Variants in ZIM3 observed in about 807,000 individuals in gnomAD.
The protein encoded by ZIM3 is zinc finger imprinted 3.
Under a neutral mutation model 12.9 loss-of-function variants are expected in ZIM3, and 11 were observed. The observed-to-expected ratio is 0.85, with a 90% CI of 0.54 to 1.41. ZIM3 has a LOEUF of 1.41. ZIM3 is among the 40% of genes most tolerant of loss of function. The pLI is 0.00. For missense variants in ZIM3, 604 were observed against 557.2 expected, an observed-to-expected ratio of 1.08 and a Z score of -0.85; for synonymous variants, 205 against 198.5, an observed-to-expected ratio of 1.03 and a Z score of -0.28.
chr19:57,134,774 T>C lies in ZIM3; in HGVS notation c.*144A>G. 1.3e-6 allele frequency: 1 copy of C among 754,846 alleles called. No individual in the cohort carries two copies. Among genetic ancestry groups the C allele is most frequent in the East Asian group, 2.6e-5 (1 of 37,960 alleles). The allele number at this position is 754,846 out of a possible 1,614,324, so 46.8% of individuals were successfully genotyped here. A position where few individuals can be genotyped will look rare whatever the true frequency, so the allele number is the denominator to read the frequency against. ...ACATTTGCTGAGTGAGTATGCCGAA[T>C]GGGTTTTCAAAGGATACTGTGATAA... On this transcript the variant is annotated 3_prime_UTR_variant, in exon 5 of 5. Coordinates refer to ENST00000269834, the MANE Select transcript of ZIM3 (RefSeq NM_052882.1).
rs2086897077 is a variant in ZIM3, at chr19:57,138,046, GGAAGGAAA to G, written c.142+418_142+425del. ...AAGAAGGAAGGAAAGAAGGAAGGAA[GGAAGGAAA>G]GAAGGAAGGAAGGAAGGAAGGAAAG... On this transcript the variant is annotated intron_variant, in intron 3 of 4. Coordinates refer to ENST00000269834, the MANE Select transcript of ZIM3 (RefSeq NM_052882.1). Among the ~76,000 whole-genome samples, 13 of 71,820 alleles carry G rather than the reference GGAAGGAAA, an allele frequency of 1.8e-4. 1 individual carries two copies. Among genetic ancestry groups the G allele is most frequent in the African/African-American group, 4.8e-4 (7 of 14,550 alleles). The allele number at this position is 71,820 out of a possible 152,430, so 47.1% of individuals were successfully genotyped here.
intron 3 of ZIM3, 124 bp downstream of exon 3, chr19:57,138,348 G>C: frequency 7.1e-7 from 1 of 1,406,156 alleles, no homozygotes; most frequent in Non-Finnish European, 1.0e-6. Flanking sequence ...CCTAGTCCCG[G>C]CTCTACAAAA....
At chr19:57,144,057 A>T (rs561715653) in intron 1 of ZIM3, among the ~76,000 whole-genome samples, 1 of 150,334 alleles carries the variant, frequency 6.7e-6, no homozygotes, top group East Asian at 2.0e-4. Flanking sequence ...TTTATTTTTT[A>T]TTTTATTTTA....
In ZIM3 at chr19:57,135,390, A is replaced by C; in HGVS notation, c.947T>G (p.Phe316Cys). ...TTTCACAAGATCTGACTTGTAAATG[A>C]AAGCCTTTCCACAGTCCGTACATTG... ...PFQCTDCGKA[F>C]IYKSDLVKHQ... Residue 316 changes from phenylalanine to cysteine, a missense_variant, in exon 5 of 5, where the codon TTC (phenylalanine) becomes TGC (cysteine). Physicochemically the swap from Phe to Cys is radical, Grantham distance 205 (BLOSUM62 -2). Coordinates refer to ENST00000269834, the MANE Select transcript of ZIM3 (RefSeq NM_052882.1). The C allele has an allele frequency of 6.2e-7, 1 of 1,613,966 alleles. No homozygotes were observed.
At chr19:57,143,262 C>G (rs370731459) in intron 1 of ZIM3, among the ~76,000 whole-genome samples, 2 of 150,372 alleles carry the variant, frequency 1.3e-5, no homozygotes, top group Non-Finnish European at 3.0e-5. Context: ...ACCCGGGAGG[C>G]GGAGCTTGCA....
At chr19:57,140,738 C>A (rs1158521439) in intron 2 of ZIM3, among the ~76,000 whole-genome samples, 3 of 152,274 alleles carry the variant, frequency 2.0e-5, no homozygotes, top group Non-Finnish European at 2.9e-5. Context: ...TCCCAAAGTG[C>A]TGGGATTACA....
rs548075028 is a variant in ZIM3, at chr19:57,137,431, C to T, written c.143-460G>A. On this transcript the variant is annotated intron_variant, in intron 3 of 4. Coordinates refer to ENST00000269834, the MANE Select transcript of ZIM3 (RefSeq NM_052882.1). ...TGAGCCCAGGTCAATGTTGCAGTGA[C>T]GCCAGGCGTGGTGGTTCATGCCTGT... 2.2e-4 allele frequency among the ~76,000 whole-genome samples: 34 copies of T among 151,538 alleles called. 1 individual carries two copies. The South Asian group carries it at 5.9e-3, about 26-fold the overall frequency.
chr19:57,139,121 G>A (rs1259705662), intron 2 of ZIM3, among the ~76,000 whole-genome samples: 1 of 152,114 alleles, frequency 6.6e-6, no homozygotes, highest in Non-Finnish European at 1.5e-5. Flanking sequence ...GAGGTCAGGA[G>A]TTCGAGACCA....
chr19:57,143,813 T>C (rs961059035), intron 1 of ZIM3, among the ~76,000 whole-genome samples: 6 of 151,520 alleles, frequency 4.0e-5, no homozygotes, highest in Admixed American at 6.6e-5. Flanking sequence ...GTAGCTGGGA[T>C]TACAGGCATG....
intron 1 of ZIM3, among the ~76,000 whole-genome samples, chr19:57,144,401 G>A (rs777301094): frequency 1.4e-4 from 21 of 151,904 alleles, no homozygotes; most frequent in Non-Finnish European, 2.8e-4. Flanking sequence ...TAAACTTGCC[G>A]GGCACAACTT....
At chr19:57,142,143 T>A (rs1051812900) in intron 2 of ZIM3, among the ~76,000 whole-genome samples, 6 of 13,348 alleles carry the variant, frequency 4.5e-4, no homozygotes, top group African/African-American at 1.2e-3. Flanking sequence ...GTAACCAAGC[T>A]TTTTTTTTTT....
At chr19:57,141,106 T>A (rs1209720767) in intron 2 of ZIM3, among the ~76,000 whole-genome samples, 3 of 152,054 alleles carry the variant, frequency 2.0e-5, no homozygotes, top group African/African-American at 7.2e-5. Context: ...GGTCAAAAGA[T>A]GCTTGAGGCT....
In ZIM3 at chr19:57,137,862, GGAAGGAAA is replaced by G. The variant is rs201740345; in HGVS notation, c.142+602_142+609del. Among the ~76,000 whole-genome samples the G allele has an allele frequency of 3.2e-3, 228 of 70,796 alleles. 43 individuals carry two copies. Among genetic ancestry groups the G allele is most frequent in the African/African-American group, 0.013 (220 of 16,306 alleles). The allele number at this position is 70,796 out of a possible 152,430, so 46.4% of individuals were successfully genotyped here. A position where few individuals can be genotyped will look rare whatever the true frequency, so the allele number is the denominator to read the frequency against. On this transcript the variant is annotated intron_variant, in intron 3 of 4. Transcript: ENST00000269834. ...AGAAAGGAAGGAAGGAAGGAAGGAA[GGAAGGAAA>G]GAAGGAAGGAAGGAAGGAAAGAAGG... is the stretch of plus-strand genomic sequence containing the variant.
chr19:57,142,492 T>C (rs557294892), intron 2 of ZIM3, 137 bp downstream of exon 2: 3 of 868,132 alleles, frequency 3.5e-6, no homozygotes, highest in South Asian at 1.7e-5. Flanking sequence ...GAAAGTAGAG[T>C]GTGTGTTACC....
chr19:57,142,537 T>C, intron 2 of ZIM3, 92 bp downstream of exon 2: 5 of 1,381,416 alleles, frequency 3.6e-6, no homozygotes, highest in African/African-American at 1.4e-5. Flanking sequence ...GAGGAAAATA[T>C]GCCAAAAGGT....
chr19:57,138,394 CTATTTGGCCAGCCAT>C, intron 3 of ZIM3, 63 bp downstream of exon 3: 1 of 1,604,838 alleles, frequency 6.2e-7, no homozygotes, highest in Non-Finnish European at 8.5e-7. Context: ...TGTGCCAACC[CTATTTGGCCAGCCAT>C]GGGGTGTCTG....
chr19:57,140,102 C>T (rs2086906986), intron 2 of ZIM3, among the ~76,000 whole-genome samples: 1 of 152,220 alleles, frequency 6.6e-6, no homozygotes, highest in South Asian at 2.1e-4. Flanking sequence ...CACCTAGTGT[C>T]CTCTTGGACA....
intron 2 of ZIM3, among the ~76,000 whole-genome samples, chr19:57,139,945 C>T (rs969134356): frequency 1.3e-5 from 2 of 152,112 alleles, no homozygotes; most frequent in East Asian, 1.9e-4. Context: ...CACAGGGTCA[C>T]ACAGCACTCC....
In ZIM3 at chr19:57,135,487, A is replaced by T. The variant is rs770792415; in HGVS notation, c.850T>A (p.Cys284Ser). The part of the protein sequence containing the change: ...NAKKSYQCNE[C>S]EKSFRQNSTL... ...GAGTTCTGCCTGAAGGATTTCTCAC[A>T]TTCATTACACTGATAGGATTTCTTG... Residue 284 changes from cysteine (C) to serine (S), a missense_variant, in exon 5 of 5, where the codon TGT becomes AGT. By Grantham distance (112) the Cys-to-Ser change is moderately radical (BLOSUM62 -1). Transcript: ENST00000269834. The T allele has an allele frequency of 1.9e-6, 3 of 1,614,138 alleles. No individual in the cohort carries two copies. Among genetic ancestry groups the T allele is most frequent in the Non-Finnish European group, 2.5e-6 (3 of 1,180,036 alleles).
Sources: gnomAD v4.1 joint callset for allele counts (sites outside exome capture counted in the v4.1 genomes callset) on GRCh38, gnomAD v4.1.1 for gene constraint, MANE v1.5 for transcripts, NCBI Gene and HGNC (gene_info 2026-07-23, HGNC 2026-07-21) for gene names.